WWOX: variants seen among roughly 807,000 people sequenced by gnomAD.
WWOX encodes WW domain containing oxidoreductase.
WWOX carries 69 observed loss-of-function variants against 46.2 expected under a neutral mutation model. The ratio of observed to expected loss-of-function variants is 1.49; its 90% CI spans 1.23 to 1.82. The LOEUF (loss-of-function observed/expected upper bound fraction) is 1.82, where lower values mean the gene tolerates loss of function less well. Ranked by LOEUF, WWOX falls within the 40% of genes most tolerant of loss-of-function variation. The pLI, the probability that WWOX is intolerant of heterozygous loss-of-function variation, is 0.00. For missense variants in WWOX, 919 were observed against 542.6 expected, an observed-to-expected ratio of 1.69 and a Z score of -6.89; for synonymous variants, 359 against 202.6, an observed-to-expected ratio of 1.77 and a Z score of -6.56.
At chr16:78,539,133 T>C (rs2043827267) in intron 8 of WWOX, among the ~76,000 whole-genome samples, 1 of 152,232 alleles carries the variant, frequency 6.6e-6, no homozygotes, top group African/African-American at 2.4e-5. Flanking sequence ...TGTAGGCCTT[T>C]AATGATGTTT....
chr16:78,353,707 C>G (rs951928783), intron 5 of WWOX, among the ~76,000 whole-genome samples: 2 of 152,210 alleles, frequency 1.3e-5, no homozygotes, highest in African/African-American at 4.8e-5. Context: ...TGTGGCTCAC[C>G]TTGGAGAAGA....
intron 5 of WWOX, among the ~76,000 whole-genome samples, chr16:78,334,298 C>A (rs1295032574): frequency 6.6e-6 from 1 of 152,150 alleles, no homozygotes; most frequent in African/African-American, 2.4e-5. Flanking sequence ...CGTGAATGCA[C>A]AATTTATGTT....
chr16:79,165,185 A>G (rs972335457), intron 8 of WWOX, among the ~76,000 whole-genome samples: 16 of 151,564 alleles, frequency 1.1e-4, no homozygotes, highest in African/African-American at 3.9e-4. Context: ...ATCTCCCTGG[A>G]CATGAACTTT....
intron 5 of WWOX, among the ~76,000 whole-genome samples, chr16:78,192,451 C>G (rs920370689): frequency 4.9e-5 from 7 of 142,082 alleles, no homozygotes; most frequent in African/African-American, 1.6e-4. Context: ...GAGATCGCAC[C>G]ACTGCACTCC....
chr16:79,090,165 G>A (rs1390399456), intron 8 of WWOX: 7 of 152,194 alleles, frequency 4.6e-5, no homozygotes, highest in African/African-American at 1.4e-4. Flanking sequence ...AACAATTAAT[G>A]TTACTGGAAG....
At chr16:78,686,689 G>A (rs1259876830) in intron 8 of WWOX, among the ~76,000 whole-genome samples, 1 of 152,018 alleles carries the variant, frequency 6.6e-6, no homozygotes, top group Non-Finnish European at 1.5e-5. Context: ...ACATTTTTCC[G>A]GGAATCCAGT....
chr16:78,920,458 A>G (rs903164827), intron 8 of WWOX, among the ~76,000 whole-genome samples: 2 of 152,090 alleles, frequency 1.3e-5, no homozygotes, highest in Admixed American at 1.3e-4. Flanking sequence ...TGGACCTGTG[A>G]TTTTCGCTGA....
rs1462819145 is a variant in WWOX at position 78,321,394 on chromosome 16, GTATATATACGTA to G, written c.517-65457_517-65446del. On this transcript the variant is annotated intron_variant, in intron 5 of 8. Coordinates refer to ENST00000566780, the MANE Select transcript of WWOX (RefSeq NM_016373.4). ...TACGTATATATGCGTATATATATACGTATATATACGTATATATATATGTGTGTATATATATAT... is the reference window on the plus strand; with the variant it reads ...TACGTATATATGCGTATATATATACGTATATATATGTGTGTATATATATAT... 6.1e-3 allele frequency among the ~76,000 whole-genome samples: 532 copies of G among 87,832 alleles called. 4 individuals are homozygous for G. Among genetic ancestry groups the G allele is most frequent in the Non-Finnish European group, 8.4e-3 (418 of 49,944 alleles). 57.6% of individuals were successfully genotyped at this position (87,832 alleles called of 152,430 possible). A position where few individuals can be genotyped will look rare whatever the true frequency, so the allele number is the denominator to read the frequency against.
intron 8 of WWOX, among the ~76,000 whole-genome samples, chr16:78,463,674 G>C (rs1399770742): frequency 6.6e-6 from 1 of 152,192 alleles, no homozygotes; most frequent in Non-Finnish European, 1.5e-5. Flanking sequence ...GTGACTGTTA[G>C]AATCTGTTGG....
At chr16:78,613,861 C>T (rs1007473346) in intron 8 of WWOX, among the ~76,000 whole-genome samples, 2 of 152,190 alleles carry the variant, frequency 1.3e-5, no homozygotes, top group Non-Finnish European at 2.9e-5. Flanking sequence ...CTGTGTATTA[C>T]AGGGGTCAGC....
intron 8 of WWOX, among the ~76,000 whole-genome samples, chr16:78,953,099 G>T (rs1356033062): frequency 6.6e-6 from 1 of 151,666 alleles, no homozygotes; most frequent in East Asian, 1.9e-4. Context: ...CAAATTGACT[G>T]TTAAATTCAA....
In WWOX at chr16:78,830,912, C is replaced by A. The variant is rs566404659; in HGVS notation, c.1057-380696C>A. On this transcript the variant is annotated intron_variant, in intron 8 of 8. Transcript: ENST00000566780. Reference sequence around the variant, plus strand: ...GCCATCAGGTCAGGTGCGTCTTCTTCATTTATTTATCAAAAGGGCCATAGC... The same window carrying A: ...GCCATCAGGTCAGGTGCGTCTTCTTAATTTATTTATCAAAAGGGCCATAGC... Among the ~76,000 whole-genome samples, 321 of 152,222 alleles carry A rather than the reference C, an allele frequency of 2.1e-3. 2 individuals are homozygous for A. The highest frequency in any genetic ancestry group is 4.1e-3 in the Non-Finnish European group (278 of 68,032).
intron 5 of WWOX, among the ~76,000 whole-genome samples, chr16:78,217,914 C>G (rs1326816370): frequency 1.3e-5 from 2 of 152,192 alleles, no homozygotes; most frequent in Non-Finnish European, 2.9e-5. Context: ...CCCTTGGCAA[C>G]TCAGTTTGGA....
intron 8 of WWOX, among the ~76,000 whole-genome samples, chr16:79,000,865 A>T (rs1350743475): frequency 6.6e-6 from 1 of 152,106 alleles, no homozygotes; most frequent in Non-Finnish European, 1.5e-5. Context: ...CTTCCATGGC[A>T]TTGCCATGGT....
intron 8 of WWOX, among the ~76,000 whole-genome samples, chr16:78,578,716 A>T (rs989523000): frequency 1.3e-5 from 2 of 152,340 alleles, no homozygotes; most frequent in East Asian, 3.9e-4. Flanking sequence ...TTGGAAAAAG[A>T]TCAATATGAT....
At chr16:78,550,716 G>A (rs1160514369) in intron 8 of WWOX, 1 of 152,120 alleles carries the variant, frequency 6.6e-6, no homozygotes. Context: ...GCAGCAGAGT[G>A]GGGTGGTTGG....
At chr16:79,069,558 GTT>G (rs34594978) in intron 8 of WWOX, among the ~76,000 whole-genome samples, 45 of 143,488 alleles carry the variant, frequency 3.1e-4, no homozygotes, top group South Asian at 1.1e-3. Flanking sequence ...TTATTGGTAG[GTT>G]TTTTTTTTTT....
chr16:78,248,311 AC>A (rs1157089300), intron 5 of WWOX, among the ~76,000 whole-genome samples: 1 of 152,134 alleles, frequency 6.6e-6, no homozygotes, highest in African/African-American at 2.4e-5. Context: ...CAGGTGCAAA[AC>A]ACTTTTCAAC....
intron 8 of WWOX, among the ~76,000 whole-genome samples, chr16:78,488,910 G>C (rs1031780568): frequency 1.3e-5 from 2 of 152,030 alleles, no homozygotes; most frequent in African/African-American, 4.8e-5. Context: ...CTATTATTTT[G>C]TTCTTTCTGC....
Sources: allele counts gnomAD v4.1 joint callset (sites outside exome capture counted in the v4.1 genomes callset), GRCh38; gene constraint gnomAD v4.1.1; transcripts MANE v1.5; gene names NCBI Gene and HGNC (gene_info 2026-07-23, HGNC 2026-07-21).